Variants in CTNND2 observed in about 807,000 individuals in gnomAD.
The protein encoded by CTNND2 is catenin delta 2.
CTNND2 carries 22 observed loss-of-function variants against 144.4 expected under a neutral mutation model. The observed-to-expected ratio is 0.15, with a 90% confidence interval of 0.11 to 0.22. The LOEUF is 0.22. Ranked by LOEUF, CTNND2 falls within the 10% of genes least tolerant of loss-of-function variation. CTNND2 has a pLI of 1.00. For synonymous variants in CTNND2, 751 were observed against 695.6 expected, an observed-to-expected ratio of 1.08 and a Z score of -1.25; for missense variants, 1,353 against 1,618.8, an observed-to-expected ratio of 0.84 and a Z score of 2.82.
At chr5:11,523,780 C>G (rs1039275988) in intron 3 of CTNND2, among the ~76,000 whole-genome samples, 2 of 152,128 alleles carry the variant, frequency 1.3e-5, no homozygotes, top group Non-Finnish European at 2.9e-5. Flanking sequence ...AACTCTGCCC[C>G]CTTCTCAGCC....
At chr5:11,084,058 GTC>G in intron 15 of CTNND2, 1 of 626,312 alleles carries the variant, frequency 1.6e-6, no homozygotes, top group Non-Finnish European at 2.0e-6. Context: ...GTATGCTTTT[GTC>G]TCACCTCTAC....
At position 11,349,386 on chromosome 5, in the gene CTNND2, G is replaced by C. The variant is rs547561178; in HGVS notation, c.1373-2759C>G. On this transcript the variant is annotated intron_variant, in intron 8 of 21. Transcript: ENST00000304623. ...TGTTTTCTCCAACAGTCCTATAAGA[G>C]AGTATACACATCATTTTCACCTTAC... is the stretch of plus-strand genomic sequence containing the variant. Among the ~76,000 whole-genome samples the C allele has an allele frequency of 1.5e-3, 231 of 152,212 alleles. 1 individual carries two copies. The highest frequency in any genetic ancestry group is 2.2e-3 in the Non-Finnish European group (152 of 68,006).
intron 10 of CTNND2, among the ~76,000 whole-genome samples, chr5:11,226,690 C>T (rs1324272665): frequency 1.3e-5 from 2 of 152,200 alleles, no homozygotes; most frequent in African/African-American, 2.4e-5. Flanking sequence ...CCTCATGATT[C>T]AATTACCTCC....
rs530487076 is a variant in CTNND2 at position 11,834,763 on chromosome 5, C to T, written c.37+69054G>A. ...TACAAACAAAAGTAGCACCCACTTT[C>T]GAATCTCCTGATTCACAGGTCTTTG... On this transcript the variant is annotated intron_variant, in intron 1 of 21. Coordinates refer to ENST00000304623, the MANE Select transcript of CTNND2 (RefSeq NM_001332.4). Among the ~76,000 whole-genome samples the T allele has an allele frequency of 3.3e-4, 50 of 152,276 alleles. 1 individual carries two copies. Among genetic ancestry groups the T allele is most frequent in the African/African-American group, 1.2e-3 (48 of 41,550 alleles).
At chr5:11,880,181 G>T (rs567848775) in intron 1 of CTNND2, among the ~76,000 whole-genome samples, 2 of 152,082 alleles carry the variant, frequency 1.3e-5, no homozygotes, top group Non-Finnish European at 2.9e-5. Context: ...ATATTTTCAT[G>T]AAGACATTAT....
chr5:11,818,672 A>G (rs1050383491), intron 1 of CTNND2, among the ~76,000 whole-genome samples: 2 of 152,140 alleles, frequency 1.3e-5, no homozygotes, highest in Admixed American at 1.3e-4. Context: ...ACGGCCCTGT[A>G]TGTGCATTCT....
intron 3 of CTNND2, among the ~76,000 whole-genome samples, chr5:11,533,399 A>G (rs1773933504): frequency 6.6e-6 from 1 of 152,160 alleles, no homozygotes; most frequent in South Asian, 2.1e-4. Flanking sequence ...TGGGATTTAG[A>G]GCTCACAGAT....
chr5:11,577,325 G>T (rs1235318497), intron 2 of CTNND2, among the ~76,000 whole-genome samples: 2 of 152,204 alleles, frequency 1.3e-5, no homozygotes, highest in African/African-American at 4.8e-5. Context: ...TTCAGGTGTG[G>T]ATCCTGTTGA....
At position 11,566,066 on chromosome 5, in the gene CTNND2, A is replaced by G. The variant is rs192097924; in HGVS notation, c.175-1010T>C. Among the ~76,000 whole-genome samples, 3 of 152,300 alleles carry G rather than the reference A, an allele frequency of 2.0e-5. No individual in the cohort carries two copies. In the East Asian group the frequency reaches 5.8e-4, roughly 29 times the overall value. On this transcript the variant is annotated intron_variant, in intron 2 of 21. Transcript: ENST00000304623. Reference sequence around the variant, plus strand: ...TTGCAGGGATATATCTTTCCAGAAAATAAGATTTTATTTACTTGCTACCCC... The same window carrying G: ...TTGCAGGGATATATCTTTCCAGAAAGTAAGATTTTATTTACTTGCTACCCC...
chr5:11,001,928 C>A (rs186377571), intron 18 of CTNND2, among the ~76,000 whole-genome samples: 5 of 152,280 alleles, frequency 3.3e-5, no homozygotes, highest in Admixed American at 2.6e-4. Context: ...ACCTCTGGCC[C>A]CTGGGTGGGT....
At chr5:11,807,799 G>A (rs532994749) in intron 1 of CTNND2, among the ~76,000 whole-genome samples, 1 of 152,242 alleles carries the variant, frequency 6.6e-6, no homozygotes, top group East Asian at 1.9e-4. Context: ...AAAAGGAAAT[G>A]CATGACATGG....
chr5:11,114,117 T>C (rs571069815), intron 13 of CTNND2, among the ~76,000 whole-genome samples: 269 of 152,314 alleles, frequency 1.8e-3, no homozygotes, highest in African/African-American at 6.2e-3. Context: ...ACGACTCTCA[T>C]TGAAAGGAAA....
intron 2 of CTNND2, among the ~76,000 whole-genome samples, chr5:11,669,473 T>A (rs1282198014): frequency 6.6e-6 from 1 of 152,230 alleles, no homozygotes; most frequent in Non-Finnish European, 1.5e-5. Context: ...ATTCGTTTTC[T>A]TCCTGGTTTA....
intron 6 of CTNND2, among the ~76,000 whole-genome samples, chr5:11,391,331 G>A (rs1581095034): frequency 6.6e-6 from 1 of 152,162 alleles, no homozygotes; most frequent in East Asian, 1.9e-4. Flanking sequence ...TTTGTCTAGA[G>A]CTTTGGGCTT....
chr5:11,098,781 T>G (rs986350119), intron 14 of CTNND2, 33 bp from the exon 15 acceptor site: 2 of 1,604,438 alleles, frequency 1.2e-6, no homozygotes, highest in African/African-American at 2.7e-5. Flanking sequence ...GCAAACATCT[T>G]TAACATCTTT....
intron 1 of CTNND2, among the ~76,000 whole-genome samples, chr5:11,883,470 T>C (rs1736284888): frequency 6.6e-6 from 1 of 152,188 alleles, no homozygotes; most frequent in South Asian, 2.1e-4. Context: ...CTGAGAATGA[T>C]GGTTTCCAGT....
At chr5:11,687,292 A>T (rs1561694322) in intron 2 of CTNND2, among the ~76,000 whole-genome samples, 1 of 152,270 alleles carries the variant, frequency 6.6e-6, no homozygotes, top group Non-Finnish European at 1.5e-5. Flanking sequence ...TGCATTGCAA[A>T]GGCAACAAGG....
chr5:11,687,325 C>A (rs1420469123), intron 2 of CTNND2, among the ~76,000 whole-genome samples: 1 of 152,242 alleles, frequency 6.6e-6, no homozygotes, highest in African/African-American at 2.4e-5. Flanking sequence ...TGGCCTCCTG[C>A]CCACCTCACT....
chr5:11,421,443 C>T (rs1762356849), intron 3 of CTNND2, among the ~76,000 whole-genome samples: 1 of 152,154 alleles, frequency 6.6e-6, no homozygotes, highest in Non-Finnish European at 1.5e-5. Context: ...GGCTTCGAGG[C>T]ACCAAACAGG....
Sources: allele counts gnomAD v4.1 joint callset (sites outside exome capture counted in the v4.1 genomes callset), GRCh38; gene constraint gnomAD v4.1.1; transcripts MANE v1.5; gene names NCBI Gene and HGNC (gene_info 2026-07-23, HGNC 2026-07-21).